LRBA: variants seen among roughly 807,000 people sequenced by gnomAD.
The protein encoded by LRBA is lipopolysaccharide-responsive and beige-like anchor protein.
Under a neutral mutation model 330.0 loss-of-function variants are expected in LRBA, and 176 were observed. That is an observed-to-expected ratio of 0.53 (90% confidence interval 0.47 to 0.60). The LOEUF (loss-of-function observed/expected upper bound fraction) is 0.60, where lower values mean the gene tolerates loss of function less well. Among genes scored for constraint, LRBA ranks in the 20% least tolerant of loss-of-function variants. The pLI is 0.00. For missense variants in LRBA, 3,259 were observed against 3,444.8 expected (o/e 0.95, Z 1.35); for synonymous variants, 1,230 against 1,193.0 (o/e 1.03, Z -0.64).
chr4:150,773,728 G>A (rs984634106), intron 34 of LRBA, among the ~76,000 whole-genome samples: 8 of 152,206 alleles, frequency 5.3e-5, no homozygotes, highest in African/African-American at 1.9e-4. Context: ...AAACCAATGT[G>A]GAGACACTGC....
intron 2 of LRBA, among the ~76,000 whole-genome samples, chr4:151,009,094 T>C (rs1242800788): frequency 6.9e-6 from 1 of 144,596 alleles, no homozygotes; most frequent in Non-Finnish European, 1.5e-5. Context: ...GTTGAACTTC[T>C]GACCTCAAAC....
chr4:150,407,067 G>A (rs1265662371), intron 47 of LRBA, among the ~76,000 whole-genome samples: 1 of 152,202 alleles, frequency 6.6e-6, no homozygotes, highest in Non-Finnish European at 1.5e-5. Context: ...ACAGGCATGA[G>A]CCATGGTGCT....
At chr4:150,730,183 G>C (rs1357619180) in intron 36 of LRBA, among the ~76,000 whole-genome samples, 1 of 152,098 alleles carries the variant, frequency 6.6e-6, no homozygotes, top group African/African-American at 2.4e-5. Context: ...CAGAGCAAAG[G>C]AAACAGTCAA....
chr4:150,857,184 A>T (rs1751324336), intron 22 of LRBA, among the ~76,000 whole-genome samples: 1 of 152,138 alleles, frequency 6.6e-6, no homozygotes, highest in Non-Finnish European at 1.5e-5. Flanking sequence ...ATATATCTTT[A>T]AAAACAGGTG....
In LRBA at chr4:150,696,425, G is replaced by A. The variant is rs564766635; in HGVS notation, c.5755-12708C>T. On this transcript the variant is annotated intron_variant, in intron 36 of 56. Coordinates refer to ENST00000651943, the MANE Select transcript of LRBA (RefSeq NM_001364905.1). ...CAAGTTATTTGAAACCCTGTGCCTC[G>A]GTTTCCTCATATAAAAGAGGAGATG... is the stretch of plus-strand genomic sequence containing the variant. Among the ~76,000 whole-genome samples the A allele has an allele frequency of 2.0e-4, 31 of 152,114 alleles. No homozygotes were observed. The East Asian group carries it at 2.9e-3, about 14-fold the overall frequency.
Position 150,798,133 on chromosome 4 carries a change from C to T in LRBA, c.5528G>A (p.Cys1843Tyr). The change falls in exon 34 of 57, where the codon TGC becomes TAC. Residue 1843 changes from cysteine to tyrosine, a missense_variant. Cys to Tyr is a radical substitution (Grantham distance 194). Transcript: ENST00000651943. Reference protein sequence around the residue: ...ELLIEGTSLVCMKSSSSVVEL... With the variant: ...ELLIEGTSLVYMKSSSSVVEL... ...CACAACTGAACTACTCGACTTCATG[C>T]AAACCAGACCTATTTTAAAGAGAAT... The T allele has an allele frequency of 1.2e-6, 2 of 1,600,412 alleles. No homozygotes were observed. Among genetic ancestry groups the T allele is most frequent in the Non-Finnish European group, 1.7e-6 (2 of 1,167,756 alleles).
At chr4:150,732,617 T>C (rs1730602846) in intron 36 of LRBA, among the ~76,000 whole-genome samples, 1 of 152,060 alleles carries the variant, frequency 6.6e-6, no homozygotes. Flanking sequence ...AGTTTCTGTC[T>C]ATTGGGTTGT....
chr4:150,752,278 A>C (rs756969218), intron 35 of LRBA, among the ~76,000 whole-genome samples: 6 of 152,046 alleles, frequency 3.9e-5, no homozygotes, highest in Admixed American at 6.6e-5. Context: ...TGCAACATCT[A>C]TCTCTCTCTG....
At chr4:150,356,246 G>A (rs1413422607) in intron 47 of LRBA, among the ~76,000 whole-genome samples, 2 of 151,994 alleles carry the variant, frequency 1.3e-5, no homozygotes, top group African/African-American at 2.4e-5. Flanking sequence ...CTTCTAAGAT[G>A]TAAAGTCCAA....
At chr4:150,917,846 T>C (rs1372642683) in intron 5 of LRBA, among the ~76,000 whole-genome samples, 1 of 151,932 alleles carries the variant, frequency 6.6e-6, no homozygotes. Flanking sequence ...GGAGAATTGC[T>C]TGAACCCAGG....
chr4:150,571,841 C>G (rs1769907728), intron 40 of LRBA, among the ~76,000 whole-genome samples: 1 of 150,846 alleles, frequency 6.6e-6, no homozygotes, highest in African/African-American at 2.4e-5. Flanking sequence ...AAAACATTTA[C>G]TTTTCTGTTT....
At chr4:150,302,890 ATGG>A in intron 52 of LRBA, 98 bp from the exon 53 acceptor site, 1 of 766,604 alleles carries the variant, frequency 1.3e-6, no homozygotes, top group Non-Finnish European at 2.0e-6. Flanking sequence ...ATGAACTCTG[ATGG>A]TCATAATTCA....
chr4:150,749,294 G>A (rs557732053), intron 35 of LRBA, among the ~76,000 whole-genome samples: 8 of 152,134 alleles, frequency 5.3e-5, no homozygotes, highest in Non-Finnish European at 1.0e-4. Flanking sequence ...TCTGGGCCAG[G>A]TAAACTGGCT....
intron 37 of LRBA, among the ~76,000 whole-genome samples, chr4:150,666,769 A>G (rs1167880713): frequency 6.6e-6 from 1 of 152,206 alleles, no homozygotes; most frequent in Non-Finnish European, 1.5e-5. Flanking sequence ...AAATATGTAC[A>G]GTTTATTGTA....
rs904935870 is a variant in LRBA, at chr4:150,675,071, G to T, written c.5921+8480C>A. ...GTTGCCCAGAAAGAAAAAAAAAATA[G>T]CCAGATGTGGCATGAGCCTCAGGGA... On this transcript the variant is annotated intron_variant, in intron 37 of 56. Coordinates refer to ENST00000651943, the MANE Select transcript of LRBA (RefSeq NM_001364905.1). Among the ~76,000 whole-genome samples the T allele has an allele frequency of 3.3e-5, 5 of 151,884 alleles. No individual in the cohort carries two copies. The South Asian group carries it at 1.0e-3, about 32-fold the overall frequency.
chr4:150,824,131 G>A (rs979668811), intron 30 of LRBA, among the ~76,000 whole-genome samples: 1 of 151,960 alleles, frequency 6.6e-6, no homozygotes, highest in African/African-American at 2.4e-5. Context: ...TTGTCACTGA[G>A]GGATCTTTCA....
At chr4:150,900,634 A>G (rs1376686136) in intron 13 of LRBA, among the ~76,000 whole-genome samples, 2 of 152,196 alleles carry the variant, frequency 1.3e-5, no homozygotes, top group African/African-American at 4.8e-5. Flanking sequence ...ATCAGGAGCT[A>G]AAATGACTCA....
At chr4:150,822,627 C>G (rs1486234470) in intron 30 of LRBA, among the ~76,000 whole-genome samples, 1 of 151,982 alleles carries the variant, frequency 6.6e-6, no homozygotes, top group Non-Finnish European at 1.5e-5. Context: ...AATAGCTGGA[C>G]ATGTTGGTCC....
At chr4:150,606,363 C>T (rs1204001390) in intron 37 of LRBA, among the ~76,000 whole-genome samples, 1 of 151,972 alleles carries the variant, frequency 6.6e-6, no homozygotes, top group Non-Finnish European at 1.5e-5. Flanking sequence ...TCACCTCAGC[C>T]TCACTATTTA....
Sources: allele counts gnomAD v4.1 joint callset (sites outside exome capture counted in the v4.1 genomes callset), GRCh38; gene constraint gnomAD v4.1.1; transcripts MANE v1.5; gene names NCBI Gene and HGNC (gene_info 2026-07-23, HGNC 2026-07-21).